NAALADL2: variants seen among roughly 807,000 people sequenced by gnomAD.
NAALADL2 encodes N-acetylated alpha-linked acidic dipeptidase like 2, also known as inactive N-acetylated-alpha-linked acidic dipeptidase-like protein 2.
Under a neutral mutation model 87.2 loss-of-function variants are expected in NAALADL2, and 76 were observed. The ratio of observed to expected loss-of-function variants is 0.87; its 90% CI spans 0.72 to 1.05. The LOEUF (loss-of-function observed/expected upper bound fraction) is 1.05, where lower values mean the gene tolerates loss of function less well. NAALADL2 is among the 50% of genes least tolerant of loss of function. The pLI, the probability that NAALADL2 is intolerant of heterozygous loss-of-function variation, is 0.00. For missense variants in NAALADL2, 1,089 were observed against 945.8 expected (o/e 1.15, Z -1.99); for synonymous variants, 354 against 331.0 (o/e 1.07, Z -0.75).
chr3:175,311,557 A>G (rs1034838014), intron 4 of NAALADL2, among the ~76,000 whole-genome samples: 1 of 152,052 alleles, frequency 6.6e-6, no homozygotes, highest in Non-Finnish European at 1.5e-5. Context: ...TGGAATCAGT[A>G]TATCTTATGA....
At chr3:174,841,038 T>TA (rs3830593) in intron 3 of NAALADL2, among the ~76,000 whole-genome samples, 26,976 of 146,800 alleles carry the variant, frequency 0.18, 2,686 homozygotes, top group East Asian at 0.44. Context: ...TTGACTTTAT[T>TA]AAAAAAAAAG....
chr3:175,730,407 T>TATATATATATATATATATATATATATAG (rs1418968100), intron 11 of NAALADL2, among the ~76,000 whole-genome samples: 15 of 72,014 alleles, frequency 2.1e-4, no homozygotes, highest in Non-Finnish European at 3.6e-4. Context: ...TATATATATA[T>TATATATATATATATATATATATATATAG]ATATATATAT....
chr3:175,250,294 GTT>G (rs1748828691), intron 3 of NAALADL2, among the ~76,000 whole-genome samples: 1 of 149,306 alleles, frequency 6.7e-6, no homozygotes, highest in Admixed American at 6.6e-5. Context: ...TGTGTGGTGT[GTT>G]TGTCATGTGG....
chr3:174,953,334 C>T (rs1178347885), intron 1 of NAALADL2, among the ~76,000 whole-genome samples: 2 of 104,006 alleles, frequency 1.9e-5, no homozygotes, highest in Admixed American at 2.2e-4. Context: ...CCCTCCCCTC[C>T]CCTCCCCTCC....
chr3:175,656,414 T>TTTGTTTA (rs1731467245), intron 11 of NAALADL2, among the ~76,000 whole-genome samples: 3 of 152,192 alleles, frequency 2.0e-5, no homozygotes, highest in Non-Finnish European at 4.4e-5. Context: ...TATTTATGCT[T>TTTGTTTA]TGAACCTTCT....
intron 1 of NAALADL2, among the ~76,000 whole-genome samples, chr3:174,449,542 C>T (rs537996591): frequency 6.6e-6 from 1 of 152,192 alleles, no homozygotes; most frequent in South Asian, 2.1e-4. Flanking sequence ...CAGACAATCA[C>T]GATCCAAGAT....
intron 1 of NAALADL2, among the ~76,000 whole-genome samples, chr3:174,503,869 A>G (rs1167076905): frequency 3.3e-5 from 5 of 152,162 alleles, no homozygotes; most frequent in African/African-American, 1.2e-4. Flanking sequence ...CCTTCTTTCA[A>G]AATTCTTCTA....
intron 2 of NAALADL2, among the ~76,000 whole-genome samples, chr3:174,640,016 G>C (rs1343997902): frequency 2.0e-5 from 3 of 152,060 alleles, no homozygotes; most frequent in Non-Finnish European, 4.4e-5. Context: ...TACCTCTCAG[G>C]CTGTGTTTTG....
At chr3:174,814,005 A>G (rs1414276437) in intron 3 of NAALADL2, among the ~76,000 whole-genome samples, 1 of 152,196 alleles carries the variant, frequency 6.6e-6, no homozygotes, top group Non-Finnish European at 1.5e-5. Flanking sequence ...TTATAATGAT[A>G]CGTATTTCAT....
At chr3:174,445,009 A>G (rs908168595) in intron 1 of NAALADL2, among the ~76,000 whole-genome samples, 14 of 150,794 alleles carry the variant, frequency 9.3e-5, no homozygotes, top group Admixed American at 2.6e-4. Context: ...ACCTTGTTTG[A>G]GATTTTTTTT....
chr3:175,280,248 A>G (rs1754117418), intron 4 of NAALADL2, among the ~76,000 whole-genome samples: 1 of 151,976 alleles, frequency 6.6e-6, no homozygotes, highest in Admixed American at 6.6e-5. Context: ...TCTCAATGTA[A>G]TCATTTCCTC....
intron 9 of NAALADL2, among the ~76,000 whole-genome samples, chr3:175,493,603 C>T (rs1728403502): frequency 6.6e-6 from 1 of 152,096 alleles, no homozygotes; most frequent in Non-Finnish European, 1.5e-5. Flanking sequence ...GTGAAAACTG[C>T]ATATTTTAAC....
chr3:175,449,775 A>G (rs1721273639), intron 6 of NAALADL2, among the ~76,000 whole-genome samples: 1 of 152,204 alleles, frequency 6.6e-6, no homozygotes, highest in Non-Finnish European at 1.5e-5. Flanking sequence ...ATAAATTAAC[A>G]ACAGGCATGA....
intron 4 of NAALADL2, among the ~76,000 whole-genome samples, chr3:175,264,764 CATATACTTTTTATTAAGGTGATGAAATT>C (rs1459056440): frequency 1.3e-5 from 2 of 151,322 alleles, no homozygotes; most frequent in African/African-American, 4.8e-5. Context: ...TATTTTTATG[CATATACTTTTTATTAAGGTGATGAAATT>C]ATATAATATT....
chr3:174,632,167 T>G (rs1308035359), intron 2 of NAALADL2: 1 of 152,200 alleles, frequency 6.6e-6, no homozygotes, highest in Non-Finnish European at 1.5e-5. Context: ...CCTGAGTAGT[T>G]ATTTGCTTTA....
At chr3:175,357,049 T>A (rs1764459511) in intron 5 of NAALADL2, among the ~76,000 whole-genome samples, 1 of 152,170 alleles carries the variant, frequency 6.6e-6, no homozygotes, top group Non-Finnish European at 1.5e-5. Flanking sequence ...CAATCATTTA[T>A]CTTAACTCTC....
At chr3:174,490,756 C>A (rs570799485) in intron 1 of NAALADL2, among the ~76,000 whole-genome samples, 7 of 151,904 alleles carry the variant, frequency 4.6e-5, no homozygotes, top group Non-Finnish European at 1.0e-4. Context: ...ATTCAAAGAG[C>A]GCTCCTTTGA....
chr3:174,473,825 A>G (rs1717053019), intron 1 of NAALADL2, among the ~76,000 whole-genome samples: 1 of 152,194 alleles, frequency 6.6e-6, no homozygotes, highest in African/African-American at 2.4e-5. Flanking sequence ...GTATTAGTCC[A>G]TTCTTGCGCT....
intron 3 of NAALADL2, among the ~76,000 whole-genome samples, chr3:174,830,117 T>A (rs1443198899): frequency 3.1e-5 from 4 of 130,442 alleles, no homozygotes; most frequent in African/African-American, 1.2e-4. Context: ...GCTCTTTAGT[T>A]TAATTAGATC....
Sources: allele counts gnomAD v4.1 joint callset (sites outside exome capture counted in the v4.1 genomes callset), GRCh38; gene constraint gnomAD v4.1.1; transcripts MANE v1.5; gene names NCBI Gene and HGNC (gene_info 2026-07-23, HGNC 2026-07-21).